MTNR1B: variants seen among roughly 807,000 people sequenced by gnomAD.
MTNR1B encodes the protein melatonin receptor 1B.
MTNR1B carries 7 observed loss-of-function variants against 7.0 expected under a neutral mutation model. The ratio of observed to expected loss-of-function variants is 1.00; its 90% CI spans 0.57 to 1.88. The LOEUF (loss-of-function observed/expected upper bound fraction) is 1.88, where lower values mean the gene tolerates loss of function less well. Among genes scored for constraint, MTNR1B ranks in the 40% most tolerant of loss-of-function variants. The pLI is 0.00. For synonymous variants in MTNR1B, 226 were observed against 208.2 expected (o/e 1.09, Z -0.74); for missense variants, 478 against 486.5 (o/e 0.98, Z 0.16).
chr11:92,982,071 C>T lies in MTNR1B; in HGVS notation c.848C>T (p.Pro283Leu), dbSNP rs1377968296. Residue 283 changes from proline (P) to leucine (L), a missense_variant, in exon 2 of 2, where the codon CCC becomes CTC. Physicochemically the swap from Pro to Leu is moderately conservative, Grantham distance 98 (BLOSUM62 -3). Coordinates refer to ENST00000257068, the MANE Select transcript of MTNR1B (RefSeq NM_005959.5). ...GCCATCAACCCCCAAGAAATGGCTC[C>T]CCAGATCCCTGAGGGGCTATTTGTC... ...AVAINPQEMA[P>L]QIPEGLFVTS... is the part of the protein sequence containing the mutation. The T allele has an allele frequency of 6.2e-7, 1 of 1,614,230 alleles. No homozygotes were observed. Among genetic ancestry groups the T allele is most frequent in the East Asian group, 2.2e-5 (1 of 44,870 alleles).
Position 92,982,150 on chromosome 11 carries a change from G to T in MTNR1B, c.927G>T (p.Gly309=). 6.2e-7 allele frequency: 1 copy of T among 1,614,180 alleles called. No individual in the cohort carries two copies. The highest frequency in any genetic ancestry group is 8.5e-7 in the Non-Finnish European group (1 of 1,180,054). ...GCTGCCTGAATGCCATTGTCTATGG[G>T]CTCTTGAACCAAAACTTCCGCAGGG... ...FNSCLNAIVY[G]LLNQNFRREY... The change falls in exon 2 of 2, where the codon GGG becomes GGT. Residue 309 remains glycine, a synonymous_variant. Coordinates refer to ENST00000257068, the MANE Select transcript of MTNR1B (RefSeq NM_005959.5).
intron 1 of MTNR1B, among the ~76,000 whole-genome samples, chr11:92,976,793 T>G (rs1047683786): frequency 1.6e-4 from 24 of 152,280 alleles, no homozygotes; most frequent in African/African-American, 5.5e-4. Context: ...TTTCTTTTCT[T>G]TGGTTTTCTC....
intron 1 of MTNR1B, among the ~76,000 whole-genome samples, chr11:92,977,730 G>A (rs1328235380): frequency 6.6e-6 from 1 of 152,170 alleles, no homozygotes; most frequent in South Asian, 2.1e-4. Context: ...CAGTTCCATG[G>A]GCATCTCAAT....
At chr11:92,974,312 G>GCT (rs1356692701) in intron 1 of MTNR1B, among the ~76,000 whole-genome samples, 1 of 152,162 alleles carries the variant, frequency 6.6e-6, no homozygotes, top group Non-Finnish European at 1.5e-5. Flanking sequence ...CCCTGCACAA[G>GCT]CTCTCTCTCT....
chr11:92,982,715 A>C lies in MTNR1B; in HGVS notation c.*403A>C. On this transcript the variant is annotated 3_prime_UTR_variant, in exon 2 of 2. Transcript: ENST00000257068. Reference sequence around the variant, plus strand: ...GATCTCTTCCTGTTAGCAAGGATGAAAGAGAGAGGTCAGTAGGACTGGAAC... The same window carrying C: ...GATCTCTTCCTGTTAGCAAGGATGACAGAGAGAGGTCAGTAGGACTGGAAC... 1 of 220,300 alleles carries C rather than the reference A, an allele frequency of 4.5e-6. No homozygotes were observed. 13.6% of individuals were successfully genotyped at this position (220,300 alleles called of 1,614,324 possible). A position where few individuals can be genotyped will look rare whatever the true frequency, so the allele number is the denominator to read the frequency against.
chr11:92,970,203 C>G (rs565268582), intron 1 of MTNR1B, among the ~76,000 whole-genome samples: 2 of 152,174 alleles, frequency 1.3e-5, no homozygotes, highest in South Asian at 2.1e-4. Context: ...GCTTTTTGGC[C>G]GGGCGCCGGC....
rs1374646 is a variant in MTNR1B, at chr11:92,972,662, C to T, written c.223+2714C>T. Reference sequence around the variant, plus strand: ...CACAGCCCATGGCACTGGGTTGGCACCTCACGCCTGTCAGATTGTGCTTCC... The same window carrying T: ...CACAGCCCATGGCACTGGGTTGGCATCTCACGCCTGTCAGATTGTGCTTCC... On this transcript the variant is annotated intron_variant, in intron 1 of 1. Transcript: ENST00000257068. 1,508 of 394,582 alleles carry T rather than the reference C, an allele frequency of 3.8e-3. 26 individuals are homozygous for T. Among genetic ancestry groups the T allele is most frequent in the African/African-American group, 0.025 (1,185 of 48,174 alleles). 24.4% of individuals were successfully genotyped at this position (394,582 alleles called of 1,614,324 possible).
chr11:92,973,417 G>A (rs1857963687), intron 1 of MTNR1B, among the ~76,000 whole-genome samples: 1 of 152,098 alleles, frequency 6.6e-6, no homozygotes, highest in African/African-American at 2.4e-5. Context: ...CCAGAACAGT[G>A]TCCAACTCCA....
intron 1 of MTNR1B, among the ~76,000 whole-genome samples, chr11:92,973,830 C>T (rs1297475166): frequency 6.6e-6 from 1 of 152,188 alleles, no homozygotes; most frequent in African/African-American, 2.4e-5. Context: ...AAGAACAGAA[C>T]ACATCTCTGA....
intron 1 of MTNR1B, among the ~76,000 whole-genome samples, chr11:92,975,617 C>T (rs752287636): frequency 1.3e-5 from 2 of 152,180 alleles, no homozygotes; most frequent in East Asian, 1.9e-4. Flanking sequence ...TTTGCTTCCC[C>T]GGTTAGATTA....
Position 92,969,661 on chromosome 11 carries a change from C to T in MTNR1B, c.-65C>T. ...AGGGAAGAGAGCGCCCGGCTCAGTACTGCGCGCGCCCTGCGGCTGTCCGGG... is the reference window on the plus strand; with the variant it reads ...AGGGAAGAGAGCGCCCGGCTCAGTATTGCGCGCGCCCTGCGGCTGTCCGGG... On this transcript the variant is annotated 5_prime_UTR_variant, in exon 1 of 2. Coordinates refer to ENST00000257068, the MANE Select transcript of MTNR1B (RefSeq NM_005959.5). 1 of 1,366,130 alleles carries T rather than the reference C, an allele frequency of 7.3e-7. No individual in the cohort carries two copies. The highest frequency in any genetic ancestry group is 1.7e-5 in the South Asian group (1 of 58,464). The allele number at this position is 1,366,130 out of a possible 1,614,324, so 84.6% of individuals were successfully genotyped here. A position where few individuals can be genotyped will look rare whatever the true frequency, so the allele number is the denominator to read the frequency against.
intron 1 of MTNR1B, among the ~76,000 whole-genome samples, chr11:92,979,985 C>A (rs970862592): frequency 6.6e-6 from 1 of 152,198 alleles, no homozygotes; most frequent in Non-Finnish European, 1.5e-5. Flanking sequence ...GGGCGGCTCT[C>A]AGCCTCCCTT....
intron 1 of MTNR1B, among the ~76,000 whole-genome samples, chr11:92,976,818 T>A (rs1417689918): frequency 6.6e-6 from 1 of 152,258 alleles, no homozygotes; most frequent in Non-Finnish European, 1.5e-5. Flanking sequence ...TCTTGTTCTT[T>A]CTCAATCCTT....
In MTNR1B at chr11:92,982,139, A is replaced by G. The variant is rs150071577; in HGVS notation, c.916A>G (p.Ile306Val). The change falls in exon 2 of 2, where the codon ATT (isoleucine) becomes GTT (valine). Residue 306 changes from isoleucine to valine, a missense_variant. By Grantham distance (29) the Ile-to-Val change is conservative. Coordinates refer to ENST00000257068, the MANE Select transcript of MTNR1B (RefSeq NM_005959.5). ...LAYFNSCLNAIVYGLLNQNFR... is the reference protein window; with the variant it reads ...LAYFNSCLNAVVYGLLNQNFR... ...TTATTTCAACAGCTGCCTGAATGCCATTGTCTATGGGCTCTTGAACCAAAA... is the reference window on the plus strand; with the variant it reads ...TTATTTCAACAGCTGCCTGAATGCCGTTGTCTATGGGCTCTTGAACCAAAA... 1.6e-5 allele frequency: 26 copies of G among 1,613,968 alleles called. No individual in the cohort carries two copies. In the African/African-American group the frequency reaches 3.3e-4, roughly 21 times the overall value.
rs1591908200 is a variant in MTNR1B, at chr11:92,982,147, T to C, written c.924T>C (p.Tyr308=). 6.2e-7 allele frequency: 1 copy of C among 1,614,248 alleles called. No homozygotes were observed. The highest frequency in any genetic ancestry group is 1.7e-5 in the Admixed American group (1 of 60,030). Residue 308 remains tyrosine, a synonymous_variant, in exon 2 of 2, where the codon TAT becomes TAC. Transcript: ENST00000257068. The part of the protein sequence containing the change: ...YFNSCLNAIV[Y]GLLNQNFRRE... Reference sequence around the variant, plus strand: ...ACAGCTGCCTGAATGCCATTGTCTATGGGCTCTTGAACCAAAACTTCCGCA... The same window carrying C: ...ACAGCTGCCTGAATGCCATTGTCTACGGGCTCTTGAACCAAAACTTCCGCA...
At position 92,969,755 on chromosome 11, in the gene MTNR1B, C is replaced by A; in HGVS notation, c.30C>A (p.Cys10Ter). MSENGSFAN[C>*]CEAGGWAVRP... The stretch of plus-strand genomic sequence containing the variant: ...CAGAGAACGGCTCCTTCGCCAACTG[C>A]TGCGAGGCGGGCGGGTGGGCAGTGC... The change falls in exon 1 of 2, where the codon TGC becomes TGA. Residue 10 changes from cysteine to a stop codon, truncating the protein, a stop_gained. Coordinates refer to ENST00000257068, the MANE Select transcript of MTNR1B (RefSeq NM_005959.5). LOFTEE classifies it high-confidence loss of function. 6.7e-7 allele frequency: 1 copy of A among 1,502,982 alleles called. No individual in the cohort carries two copies. The allele number at this position is 1,502,982 out of a possible 1,614,324, so 93.1% of individuals were successfully genotyped here.
At chr11:92,983,870 A>C (rs1023081790), downstream of MTNR1B, among the ~76,000 whole-genome samples, 1 of 152,140 alleles carries the variant, frequency 6.6e-6, no homozygotes, top group Non-Finnish European at 1.5e-5. Flanking sequence ...ATGTCATTTA[A>C]TCCCCACAAA....
intron 1 of MTNR1B, among the ~76,000 whole-genome samples, chr11:92,977,898 C>T (rs1426568771): frequency 6.6e-6 from 1 of 152,204 alleles, no homozygotes; most frequent in Non-Finnish European, 1.5e-5. Context: ...TTGTTGACTT[C>T]CCCAACATAT....
chr11:92,980,070 C>A (rs1221865361), intron 1 of MTNR1B, among the ~76,000 whole-genome samples: 1 of 152,204 alleles, frequency 6.6e-6, no homozygotes, highest in African/African-American at 2.4e-5. Flanking sequence ...TTCCACCTGC[C>A]TGACCCTCTA....
Sources: allele counts gnomAD v4.1 joint callset (sites outside exome capture counted in the v4.1 genomes callset), GRCh38; gene constraint gnomAD v4.1.1; transcripts MANE v1.5; gene names NCBI Gene and HGNC (gene_info 2026-07-23, HGNC 2026-07-21).